EFCAB11: variants seen among roughly 807,000 people sequenced by gnomAD.
The protein encoded by EFCAB11 is EF-hand calcium-binding domain-containing protein 11.
A neutral mutation model predicts 23.0 loss-of-function variants in EFCAB11; 14 were observed. That is an observed-to-expected ratio of 0.61 (90% CI 0.40 to 0.95). EFCAB11 has a LOEUF of 0.95. EFCAB11 is among the 40% of genes least tolerant of loss of function. The probability of loss-of-function intolerance (pLI) is 0.00; values close to 1 mark genes in which losing one functional copy is unlikely to be tolerated. For missense variants in EFCAB11, 198 were observed against 195.8 expected (o/e 1.01, Z -0.07); for synonymous variants, 65 against 66.6 (o/e 0.98, Z 0.11).
chr14:89,911,496 G>C (rs541599884), intron 5 of EFCAB11, among the ~76,000 whole-genome samples: 11 of 152,338 alleles, frequency 7.2e-5, no homozygotes, highest in Admixed American at 2.0e-4. Flanking sequence ...TCCGCACACA[G>C]CTCCTTGTAA....
In EFCAB11 at chr14:89,794,968, C is replaced by CTTTTT. The variant is rs375782284; in HGVS notation, c.*2270_*2274dup. On this transcript the variant is annotated 3_prime_UTR_variant, in exon 6 of 6. Coordinates refer to ENST00000316738, the MANE Select transcript of EFCAB11 (RefSeq NM_145231.4). ...TGCTTGATTTGTTTCTACTTAATGT[C>CTTTTT]TTTTTTTTTTTTTTTTTTTTTTTTT... is the stretch of plus-strand genomic sequence containing the variant. 3.0e-5 allele frequency: 2 copies of CTTTTT among 67,266 alleles called. No individual in the cohort carries two copies. The highest frequency in any genetic ancestry group is 7.6e-4 in the South Asian group (1 of 1,316). The allele number at this position is 67,266 out of a possible 1,614,324, so 4.2% of individuals were successfully genotyped here.
chr14:89,952,108 TAA>T (rs1891190106), intron 2 of EFCAB11, among the ~76,000 whole-genome samples: 1 of 152,138 alleles, frequency 6.6e-6, no homozygotes, highest in South Asian at 2.1e-4. Flanking sequence ...TCACAGAAAT[TAA>T]GTGTCACCTG....
At chr14:89,941,288 T>C (rs1458412739) in intron 3 of EFCAB11, among the ~76,000 whole-genome samples, 1 of 152,206 alleles carries the variant, frequency 6.6e-6, no homozygotes, top group Non-Finnish European at 1.5e-5. Context: ...CTAACAACTA[T>C]AGAGAACATG....
chr14:89,806,394 C>T (rs763696363), intron 5 of EFCAB11, among the ~76,000 whole-genome samples: 4 of 152,138 alleles, frequency 2.6e-5, no homozygotes, highest in Non-Finnish European at 5.9e-5. Flanking sequence ...CCTTCTCTAT[C>T]AAGTGCTTTA....
At chr14:89,840,654 A>G (rs1887229459) in intron 5 of EFCAB11, among the ~76,000 whole-genome samples, 1 of 152,220 alleles carries the variant, frequency 6.6e-6, no homozygotes, top group South Asian at 2.1e-4. Context: ...ACTACATTTA[A>G]TTTGTGGTTC....
chr14:89,944,221 A>T (rs528598043), intron 3 of EFCAB11, among the ~76,000 whole-genome samples: 1 of 152,354 alleles, frequency 6.6e-6, no homozygotes, highest in Non-Finnish European at 1.5e-5. Flanking sequence ...GGAGCAAGTC[A>T]TGTCTTACAT....
rs371345510 is a variant in EFCAB11 at position 89,915,637 on chromosome 14, T to C, written c.410+15904A>G. Reference sequence around the variant, plus strand: ...AATAAATAATAATCCACTCTGGCTTTTTCACCTGAGAAGAAAGTATGTTTT... The same window carrying C: ...AATAAATAATAATCCACTCTGGCTTCTTCACCTGAGAAGAAAGTATGTTTT... On this transcript the variant is annotated intron_variant, in intron 5 of 5. Transcript: ENST00000316738. Among the ~76,000 whole-genome samples, 12 of 152,296 alleles carry C rather than the reference T, an allele frequency of 7.9e-5. No individual in the cohort carries two copies. The East Asian group carries it at 1.4e-3, about 17-fold the overall frequency.
At chr14:89,892,426 A>C (rs1889001557) in intron 5 of EFCAB11, 2 of 1,572,854 alleles carry the variant, frequency 1.3e-6, no homozygotes, top group Non-Finnish European at 1.7e-6. Flanking sequence ...AGCAGCACCC[A>C]GGCCCATGCC....
At chr14:89,799,087 C>T (rs548918134) in intron 5 of EFCAB11, 91 of 152,344 alleles carry the variant, frequency 6.0e-4, no homozygotes, top group African/African-American at 2.1e-3. Context: ...TTGTACCCCG[C>T]CTGTTATTGT....
chr14:89,856,054 C>T (rs1256393509), intron 5 of EFCAB11, among the ~76,000 whole-genome samples: 1 of 152,148 alleles, frequency 6.6e-6, no homozygotes, highest in African/African-American at 2.4e-5. Context: ...GTTTCTATAT[C>T]TTGGCTATTG....
chr14:89,897,442 G>A (rs1450421130), intron 5 of EFCAB11, among the ~76,000 whole-genome samples: 3 of 151,916 alleles, frequency 2.0e-5, no homozygotes, highest in South Asian at 2.1e-4. Flanking sequence ...TCCTGACCTC[G>A]TGATCCACCC....
At chr14:89,907,380 CAG>C (rs1889531368) in intron 5 of EFCAB11, among the ~76,000 whole-genome samples, 1 of 152,140 alleles carries the variant, frequency 6.6e-6, no homozygotes, top group South Asian at 2.1e-4. Flanking sequence ...TGGCCATTAA[CAG>C]AGTCACATTT....
intron 5 of EFCAB11, among the ~76,000 whole-genome samples, chr14:89,921,841 ATTG>A (rs1890030042): frequency 6.6e-6 from 1 of 152,232 alleles, no homozygotes; most frequent in South Asian, 2.1e-4. Context: ...TTTTAAAACA[ATTG>A]TTAAGTATCT....
chr14:89,856,050 A>G lies in EFCAB11; in HGVS notation c.411-58726T>C, dbSNP rs147106668. Among the ~76,000 whole-genome samples the G allele has an allele frequency of 1.7e-3, 258 of 152,310 alleles. 1 individual carries two copies. The highest frequency in any genetic ancestry group is 3.4e-3 in the Middle Eastern group (1 of 294). The stretch of plus-strand genomic sequence containing the variant: ...AGCAATGAACTCTTAGGTTGTTTCT[A>G]TATCTTGGCTATTGTGAATAATGCT... On this transcript the variant is annotated intron_variant, in intron 5 of 5. Coordinates refer to ENST00000316738, the MANE Select transcript of EFCAB11 (RefSeq NM_145231.4).
At chr14:89,933,142 A>G (rs1198981227) in intron 3 of EFCAB11, among the ~76,000 whole-genome samples, 1 of 152,162 alleles carries the variant, frequency 6.6e-6, no homozygotes, top group Non-Finnish European at 1.5e-5. Context: ...TACATAAACA[A>G]TACAGCTGGC....
chr14:89,817,664 T>A (rs1360449691), intron 5 of EFCAB11, among the ~76,000 whole-genome samples: 7 of 152,130 alleles, frequency 4.6e-5, no homozygotes, highest in Admixed American at 2.6e-4. Context: ...GTATTTAGAT[T>A]CACTATTTAA....
At chr14:89,845,836 C>T (rs1887415600) in intron 5 of EFCAB11, among the ~76,000 whole-genome samples, 3 of 152,170 alleles carry the variant, frequency 2.0e-5, no homozygotes, top group Admixed American at 2.0e-4. Flanking sequence ...TGGTGCGTCT[C>T]TGGACAGGGG....
At chr14:89,943,084 A>C (rs1890846638) in intron 3 of EFCAB11, among the ~76,000 whole-genome samples, 1 of 152,136 alleles carries the variant, frequency 6.6e-6, no homozygotes, top group Non-Finnish European at 1.5e-5. Flanking sequence ...TGGGCCCTGC[A>C]AAAGAATCCT....
intron 5 of EFCAB11, among the ~76,000 whole-genome samples, chr14:89,882,187 G>A (rs1247094512): frequency 1.3e-5 from 2 of 152,106 alleles, no homozygotes; most frequent in Non-Finnish European, 1.5e-5. Flanking sequence ...CCAGAGGGAC[G>A]AATAAAATAT....
Sources: allele counts gnomAD v4.1 joint callset (sites outside exome capture counted in the v4.1 genomes callset), GRCh38; gene constraint gnomAD v4.1.1; transcripts MANE v1.5; gene names NCBI Gene and HGNC (gene_info 2026-07-23, HGNC 2026-07-21).